NUP210: variants seen among roughly 807,000 people sequenced by gnomAD.
The protein encoded by NUP210 is nucleoporin 210.
A neutral mutation model predicts 196.0 loss-of-function variants in NUP210; 151 were observed. The ratio of observed to expected loss-of-function variants is 0.77; its 90% CI spans 0.67 to 0.88. The LOEUF is 0.88. Among genes scored for constraint, NUP210 ranks in the 40% least tolerant of loss-of-function variants. NUP210 has a pLI of 0.00. For synonymous variants in NUP210, 1,070 were observed against 1,052.7 expected (o/e 1.02, Z -0.32); for missense variants, 2,314 against 2,493.7 (o/e 0.93, Z 1.53).
chr3:13,326,988 C>T (rs1045180885), intron 32 of NUP210, among the ~76,000 whole-genome samples: 1 of 152,250 alleles, frequency 6.6e-6, no homozygotes, highest in East Asian at 1.9e-4. Flanking sequence ...AGCCACTGAC[C>T]ATACATAATG....
intron 33 of NUP210, among the ~76,000 whole-genome samples, chr3:13,325,256 C>T (rs560353025): frequency 4.6e-5 from 7 of 152,302 alleles, no homozygotes; most frequent in Admixed American, 3.3e-4. Context: ...GCAACTGGCT[C>T]GCCCAAACTG....
intron 1 of NUP210, among the ~76,000 whole-genome samples, chr3:13,406,282 G>GGGGCA (rs1699997417): frequency 6.6e-6 from 1 of 152,154 alleles, no homozygotes; most frequent in South Asian, 2.1e-4. Context: ...TGGGAGCACA[G>GGGGCA]GGGCAGGGTA....
rs1697399912 is a variant in NUP210, at chr3:13,340,052, G to A, written c.3292-19C>T. The A allele has an allele frequency of 6.2e-7, 1 of 1,610,684 alleles. No individual in the cohort carries two copies. The highest frequency in any genetic ancestry group is 8.5e-7 in the Non-Finnish European group (1 of 1,177,652). ...AGGTGACCTGAGCGGGGAGGAAACAGCGGCGTGTCAGTGCCCGTCATGCCA... is the reference window on the plus strand; with the variant it reads ...AGGTGACCTGAGCGGGGAGGAAACAACGGCGTGTCAGTGCCCGTCATGCCA... On this transcript the variant is annotated intron_variant, in intron 24 of 39. Transcript: ENST00000254508. The surrounding 1 kb of genome is among the most constrained non-coding windows in gnomAD (Gnocchi z 4.0).
chr3:13,376,417 T>C lies in NUP210; in HGVS notation c.1167A>G (p.Glu389=). 1 of 1,614,172 alleles carries C rather than the reference T, an allele frequency of 6.2e-7. No individual in the cohort carries two copies. The highest frequency in any genetic ancestry group is 8.5e-7 in the Non-Finnish European group (1 of 1,180,018). The change falls in exon 10 of 40, where the codon GAA becomes GAG. Residue 389 remains glutamate (E), a synonymous_variant. Coordinates refer to ENST00000254508, the MANE Select transcript of NUP210 (RefSeq NM_024923.4). ...CGAAGAACTCAGCAGGAAGCACAGT[T>C]TCAATTCGGATGTTCTGGAAGGTGA... ...KVYVSDNIRI[E]TVLPAEFFEV...
chr3:13,395,339 A>G (rs1699617646), intron 3 of NUP210, among the ~76,000 whole-genome samples: 1 of 152,184 alleles, frequency 6.6e-6, no homozygotes, highest in Non-Finnish European at 1.5e-5. Context: ...ACCTTCACAC[A>G]CTGCACCCAG....
At chr3:13,373,531 T>C (rs1259345008) in intron 12 of NUP210, among the ~76,000 whole-genome samples, 187 bp downstream of exon 12, 1 of 152,176 alleles carries the variant, frequency 6.6e-6, no homozygotes, top group Non-Finnish European at 1.5e-5. Flanking sequence ...TGTTGGCTGG[T>C]GTGAGACATC....
At chr3:13,416,285 CTG>C (rs111727542) in intron 1 of NUP210, among the ~76,000 whole-genome samples, 33,507 of 152,010 alleles carry the variant, frequency 0.22, 5,797 homozygotes, top group African/African-American at 0.48. Flanking sequence ...ATGGCAGTCA[CTG>C]TGCATGCTGT....
intron 12 of NUP210, among the ~76,000 whole-genome samples, chr3:13,372,389 C>T (rs757628853): frequency 2.6e-5 from 4 of 152,102 alleles, no homozygotes; most frequent in South Asian, 2.1e-4. Context: ...TGGAAAGAGA[C>T]GGGGCTGGCA....
Position 13,336,933 on chromosome 3 carries a change from T to G in NUP210, c.3553-15A>C. ...TAGATGGGCATCTGCAGGGGAGAAG[T>G]CAGGCCCAGTGAGCAGTAGCTCCCA... On this transcript the variant is annotated splice_polypyrimidine_tract_variant and intron_variant, in intron 26 of 39. Transcript: ENST00000254508. 1 of 1,612,604 alleles carries G rather than the reference T, an allele frequency of 6.2e-7. No individual in the cohort carries two copies. The highest frequency in any genetic ancestry group is 1.1e-5 in the South Asian group (1 of 90,992).
At chr3:13,370,006 T>A (rs533364887) in intron 13 of NUP210, among the ~76,000 whole-genome samples, 260 of 152,216 alleles carry the variant, frequency 1.7e-3, no homozygotes, top group African/African-American at 6.0e-3. Context: ...CAGAGGGAGT[T>A]TACCTAACAT....
At chr3:13,338,363 T>A (rs998639143) in intron 25 of NUP210, among the ~76,000 whole-genome samples, 1 of 152,168 alleles carries the variant, frequency 6.6e-6, no homozygotes, top group Non-Finnish European at 1.5e-5. Context: ...ACTTATAACC[T>A]CCTTCATTCT....
chr3:13,317,817 C>T (rs1487208746), intron 39 of NUP210, 36 bp from the exon 40 acceptor site: 1 of 1,449,792 alleles, frequency 6.9e-7, no homozygotes. Flanking sequence ...AGCAGCAGAG[C>T]CAGGGAAAGC....
chr3:13,335,702 C>T (rs970953402), intron 27 of NUP210, 90 bp from the exon 28 acceptor site: 3 of 1,414,172 alleles, frequency 2.1e-6, no homozygotes, highest in Middle Eastern at 1.9e-4. Flanking sequence ...CCAGACCCCC[C>T]AGCCCCCCAG....
chr3:13,390,644 G>T (rs375243086), intron 4 of NUP210, among the ~76,000 whole-genome samples: 1 of 152,220 alleles, frequency 6.6e-6, no homozygotes, highest in African/African-American at 2.4e-5. Flanking sequence ...TCCTCCCGGA[G>T]CTCAGACAAG....
In NUP210 at chr3:13,391,307, C is replaced by T; in HGVS notation, c.437G>A (p.Gly146Glu). 1.2e-6 allele frequency: 2 copies of T among 1,602,062 alleles called. No individual in the cohort carries two copies. The highest frequency in any genetic ancestry group is 1.7e-6 in the Non-Finnish European group (2 of 1,172,770). The change falls in exon 4 of 40, where the codon GGG becomes GAG. Residue 146 changes from glycine to glutamate, a missense_variant and splice_region_variant. Gly to Glu is a moderately conservative substitution (Grantham distance 98). Transcript: ENST00000254508. ...TCCAGCCAGAGTGCTGAAGGTGTTCCCTATAAGAGCAGATGGGAGAGGCAG... is the reference window on the plus strand; with the variant it reads ...TCCAGCCAGAGTGCTGAAGGTGTTCTCTATAAGAGCAGATGGGAGAGGCAG... ...ELKIQALDSE[G>E]NTFSTLAGLV...
At position 13,352,149 on chromosome 3, in the gene NUP210, C is replaced by T; in HGVS notation, c.2664G>A (p.Glu888=). ...DPLVPLSASI[E]LILVEDVRVS... is the part of the protein sequence containing the mutation. Reference sequence around the variant, plus strand: ...CCCTCACGTCCTCCACCAGGATGAGCTCTATGGAGGCCGACAGAGGCACCA... The same window carrying T: ...CCCTCACGTCCTCCACCAGGATGAGTTCTATGGAGGCCGACAGAGGCACCA... The change falls in exon 19 of 40, where the codon GAG becomes GAA. Residue 888 remains glutamate, a synonymous_variant. Coordinates refer to ENST00000254508, the MANE Select transcript of NUP210 (RefSeq NM_024923.4). 1 of 1,613,946 alleles carries T rather than the reference C, an allele frequency of 6.2e-7. No homozygotes were observed. Among genetic ancestry groups the T allele is most frequent in the Non-Finnish European group, 8.5e-7 (1 of 1,179,986 alleles).
chr3:13,418,904 G>C (rs1022569803), intron 1 of NUP210, among the ~76,000 whole-genome samples: 2 of 129,866 alleles, frequency 1.5e-5, no homozygotes, highest in Non-Finnish European at 3.1e-5. Flanking sequence ...AGCCGAAATC[G>C]CACCACTGCA....
rs1696949736 is a variant in NUP210, at chr3:13,330,471, C to T, written c.4099G>A (p.Val1367Ile). Residue 1367 changes from valine (V) to isoleucine (I), a missense_variant, in exon 30 of 40, where the codon GTT (valine) becomes ATT (isoleucine). Coordinates refer to ENST00000254508, the MANE Select transcript of NUP210 (RefSeq NM_024923.4). The part of the protein sequence containing the change: ...EPFGANQTII[V>I]AVKVSPVSYL... The stretch of plus-strand genomic sequence containing the variant: ...GAATGCAACCCTACCTTTACAGCAA[C>T]AATGATGGTTTGGTTGGCCCCAAAG... 1 of 1,614,006 alleles carries T rather than the reference C, an allele frequency of 6.2e-7. No individual in the cohort carries two copies. The highest frequency in any genetic ancestry group is 8.5e-7 in the Non-Finnish European group (1 of 1,179,932).
At chr3:13,417,562 T>TA (rs1373115344) in intron 1 of NUP210, among the ~76,000 whole-genome samples, 1 of 152,216 alleles carries the variant, frequency 6.6e-6, no homozygotes, top group Non-Finnish European at 1.5e-5. Context: ...GGCCAGCTCT[T>TA]AAAATCTCCA....
Sources: allele counts gnomAD v4.1 joint callset (sites outside exome capture counted in the v4.1 genomes callset), GRCh38; gene constraint gnomAD v4.1.1; non-coding constraint Gnocchi (gnomAD v3.1); transcripts MANE v1.5; gene names NCBI Gene and HGNC (gene_info 2026-07-23, HGNC 2026-07-21).